The following TAS2R1 variants were observed in gnomAD, a reference collection of about 807,000 sequenced individuals.
TAS2R1 encodes the protein taste 2 receptor member 1.
For missense variants in TAS2R1, 370 were observed against 353.4 expected (o/e 1.05, Z -0.38); for synonymous variants, 141 against 134.2 (o/e 1.05, Z -0.35).
intron 1 of TAS2R1, among the ~76,000 whole-genome samples, chr5:9,678,509 T>C (rs925563668): frequency 2.0e-5 from 3 of 152,130 alleles, no homozygotes; most frequent in African/African-American, 7.2e-5. Context: ...CTATTCACAG[T>C]AGCAAAGACA....
At chr5:9,875,749 A>G in the TAS2R1 span, among the ~76,000 whole-genome samples, 14 of 152,152 alleles carry the variant, frequency 9.2e-5, no homozygotes, top group African/African-American at 3.4e-4. Context: ...CCCAAAAGTG[A>G]GCAGCATCTC....
intron 1 of TAS2R1, among the ~76,000 whole-genome samples, chr5:9,694,363 T>A (rs1400778749): frequency 6.6e-6 from 1 of 152,188 alleles, no homozygotes; most frequent in Non-Finnish European, 1.5e-5. Context: ...CAAAAATGAC[T>A]TATTGTCTTT....
At chr5:9,655,857 C>CTT (rs201494790) in intron 2 of TAS2R1, among the ~76,000 whole-genome samples, 2 of 139,642 alleles carry the variant, frequency 1.4e-5, no homozygotes, top group Non-Finnish European at 3.2e-5. Flanking sequence ...GTGGTTTTCT[C>CTT]TTTTTTTTTT....
chr5:9,812,037 GAGACTT>G, the TAS2R1 span, among the ~76,000 whole-genome samples: 2 of 151,976 alleles, frequency 1.3e-5, no homozygotes, highest in Non-Finnish European at 2.9e-5. Flanking sequence ...TCTCCTCAGA[GAGACTT>G]TCTCTCCCAC....
chr5:9,797,195 G>T, the TAS2R1 span, among the ~76,000 whole-genome samples: 1 of 152,174 alleles, frequency 6.6e-6, no homozygotes, highest in Non-Finnish European at 1.5e-5. Context: ...CCTCCCCGGG[G>T]AAGACTTGGC....
the TAS2R1 span, among the ~76,000 whole-genome samples, chr5:9,832,125 A>T: frequency 1.3e-5 from 2 of 152,200 alleles, no homozygotes; most frequent in Non-Finnish European, 2.9e-5. Flanking sequence ...TCTGCTGACC[A>T]TGCTGGGTCT....
At chr5:9,893,385 AG>A in the TAS2R1 span, among the ~76,000 whole-genome samples, 3 of 152,044 alleles carry the variant, frequency 2.0e-5, no homozygotes, top group East Asian at 5.8e-4. Context: ...TGAGTCTTTC[AG>A]TCTGTTCTGC....
At chr5:9,870,982 T>A in the TAS2R1 span, among the ~76,000 whole-genome samples, 3 of 152,118 alleles carry the variant, frequency 2.0e-5, no homozygotes, top group Non-Finnish European at 1.5e-5. Flanking sequence ...TATAAGAGAT[T>A]TAAAAAAAGA....
the TAS2R1 span, chr5:9,854,265 T>TA: frequency 6.6e-6 from 1 of 152,092 alleles, no homozygotes; most frequent in Non-Finnish European, 1.5e-5. Context: ...AAATTCCTTT[T>TA]TTTTTTTTTA....
chr5:9,858,327 G>T, the TAS2R1 span, among the ~76,000 whole-genome samples: 9 of 152,122 alleles, frequency 5.9e-5, no homozygotes, highest in African/African-American at 2.2e-4. Context: ...ACTGTGGCAG[G>T]CCCAGTGTTG....
the TAS2R1 span, among the ~76,000 whole-genome samples, chr5:9,890,821 C>G: frequency 1.3e-5 from 2 of 152,162 alleles, no homozygotes; most frequent in African/African-American, 4.8e-5. Flanking sequence ...AACCACGTGT[C>G]AACTTTAACA....
At chr5:9,791,680 T>G in the TAS2R1 span, among the ~76,000 whole-genome samples, 1 of 151,916 alleles carries the variant, frequency 6.6e-6, no homozygotes, top group African/African-American at 2.4e-5. Flanking sequence ...GCCTGGGCAA[T>G]GAAGCAAGAC....
chr5:9,645,677 A>C (rs1019177865), intron 2 of TAS2R1: 1 of 152,274 alleles, frequency 6.6e-6, no homozygotes, highest in East Asian at 1.9e-4. Flanking sequence ...ATGAGACCCA[A>C]ATTCATCAAG....
At chr5:9,637,036 C>T (rs866707404) in intron 2 of TAS2R1, among the ~76,000 whole-genome samples, 22 of 151,528 alleles carry the variant, frequency 1.5e-4, no homozygotes, top group African/African-American at 5.1e-4. Flanking sequence ...GAGATTTATG[C>T]TTTAAGGAGA....
the TAS2R1 span, among the ~76,000 whole-genome samples, chr5:9,891,123 G>T: frequency 2.6e-4 from 39 of 152,306 alleles, no homozygotes; most frequent in African/African-American, 9.1e-4. Context: ...CAGTATCAAA[G>T]AAGACTATTC....
At chr5:9,876,597 GT>G in the TAS2R1 span, among the ~76,000 whole-genome samples, 2 of 152,148 alleles carry the variant, frequency 1.3e-5, no homozygotes, top group Non-Finnish European at 2.9e-5. Context: ...TGCTGGTGGG[GT>G]TTTTAAAAAA....
At chr5:9,830,178 T>TGGATGGAC in the TAS2R1 span, among the ~76,000 whole-genome samples, 2 of 68,352 alleles carry the variant, frequency 2.9e-5, no homozygotes, top group African/African-American at 2.9e-4. Context: ...GAGAACAGAT[T>TGGATGGAC]GGATGGATGG....
At chr5:9,797,911 C>T in the TAS2R1 span, among the ~76,000 whole-genome samples, 1 of 152,164 alleles carries the variant, frequency 6.6e-6, no homozygotes, top group South Asian at 2.1e-4. Flanking sequence ...AACTAATACA[C>T]CTGCATATTT....
chr5:9,685,994 T>C (rs1741116391), intron 1 of TAS2R1, among the ~76,000 whole-genome samples: 1 of 152,034 alleles, frequency 6.6e-6, no homozygotes, highest in South Asian at 2.1e-4. Context: ...GCCTCCCAAG[T>C]GGCTGGGACT....
Sources: gnomAD v4.1 joint callset for allele counts (sites outside exome capture counted in the v4.1 genomes callset) on GRCh38, gnomAD v4.1.1 for gene constraint, MANE v1.5 for transcripts, NCBI Gene and HGNC (gene_info 2026-07-23, HGNC 2026-07-21) for gene names.